HUWE1: variants seen among roughly 807,000 people sequenced by gnomAD.
The protein encoded by HUWE1 is E3 ubiquitin-protein ligase HUWE1.
HUWE1 carries 18 observed loss-of-function variants against 299.4 expected under a neutral mutation model. The observed-to-expected ratio is 0.06, with a 90% CI of 0.04 to 0.09. The LOEUF is 0.09. HUWE1 is among the 10% of genes least tolerant of loss of function. The pLI, the probability that HUWE1 is intolerant of heterozygous loss-of-function variation, is 1.00. For synonymous variants in HUWE1, 1,317 were observed against 1,286.1 expected (o/e 1.02, Z -0.51); for missense variants, 1,832 against 3,462.3 (o/e 0.53, Z 11.82).
At chrX:53,553,536 G>A (rs1321914023) in intron 61 of HUWE1, among the ~76,000 whole-genome samples, 1 of 107,615 alleles carries the variant, frequency 9.3e-6, no homozygotes, top group African/African-American at 3.4e-5. Context: ...TCGGTAGGGC[G>A]CAGTGGCTCA....
chrX:53,578,388 C>T (rs1556961860), intron 43 of HUWE1, among the ~76,000 whole-genome samples: 2 of 97,691 alleles, frequency 2.0e-5, no homozygotes, highest in Admixed American at 1.0e-4. Flanking sequence ...GCCAGCCGCC[C>T]CGTCCGGGAG....
rs182490426 is a variant in HUWE1, at chrX:53,644,179, A to G, written c.504+1132T>C. 2.7e-5 allele frequency among the ~76,000 whole-genome samples: 3 copies of G among 112,388 alleles called. No homozygotes were observed. In the Admixed American group the frequency reaches 2.8e-4, roughly 11 times the overall value. ...GCTTCTTTCTTTTCTGTTGGTTAGC[A>G]TCTGTACTACAAATGTAAATGACAG... On this transcript the variant is annotated intron_variant, in intron 7 of 83. Coordinates refer to ENST00000262854, the MANE Select transcript of HUWE1 (RefSeq NM_031407.7).
At chrX:53,656,874 GA>G (rs1329709782) in intron 3 of HUWE1, among the ~76,000 whole-genome samples, 1 of 109,561 alleles carries the variant, frequency 9.1e-6, no homozygotes, top group Non-Finnish European at 1.9e-5. Context: ...AGAGAACCCA[GA>G]AATAGACTCA....
rs782494235 is a variant in HUWE1, at chrX:53,630,975, C to T, written c.822G>A (p.Leu274=). 1 of 1,198,563 alleles carries T rather than the reference C, an allele frequency of 8.3e-7. No individual in the cohort carries two copies. The highest frequency in any genetic ancestry group is 1.8e-5 in the South Asian group (1 of 56,658). Residue 274 remains leucine, a synonymous_variant, in exon 12 of 84, where the codon TTG becomes TTA. Transcript: ENST00000262854. ...CATGCAGTCTGGCCTGAACTGCCTG[C>T]AATCGCTTCCTGTGATTAGAAAAGC... ...AHGFSNHRKR[L]QAVQARLHAI...
chrX:53,653,222 G>A (rs1194963049), intron 4 of HUWE1, among the ~76,000 whole-genome samples: 2 of 112,311 alleles, frequency 1.8e-5, no homozygotes, highest in East Asian at 5.5e-4. Context: ...ATACTTGCCA[G>A]GTACTTTTAC....
chrX:53,663,316 C>T (rs1411238789), intron 3 of HUWE1, among the ~76,000 whole-genome samples: 1 of 112,382 alleles, frequency 8.9e-6, no homozygotes, highest in African/African-American at 3.2e-5. Flanking sequence ...AGTTTGAGAC[C>T]AGCCTGACCA....
chrX:53,614,481 T>C, intron 23 of HUWE1, 53 bp downstream of exon 23: 3 of 889,652 alleles, frequency 3.4e-6, no homozygotes, highest in Admixed American at 2.2e-5. Flanking sequence ...CTTAGAGAGG[T>C]GATAACATGC....
At chrX:53,577,457 TAAA>T (rs782304486) in intron 43 of HUWE1, among the ~76,000 whole-genome samples, 1 of 76,863 alleles carries the variant, frequency 1.3e-5, no homozygotes, top group Non-Finnish European at 2.5e-5. Context: ...AACGTTTTAT[TAAA>T]AAAAAAAAAA....
chrX:53,583,078 C>T (rs1323232961), intron 42 of HUWE1, among the ~76,000 whole-genome samples: 1 of 111,892 alleles, frequency 8.9e-6, no homozygotes, highest in Non-Finnish European at 1.9e-5. Context: ...TTCTGATCTG[C>T]ACAATGGATA....
intron 60 of HUWE1, chrX:53,557,074 A>G (rs945406508): frequency 1.0e-5 from 4 of 381,118 alleles, no homozygotes; most frequent in African/African-American, 1.0e-4. Flanking sequence ...GTTTCAGAGG[A>G]CAGAGTTGCA....
intron 7 of HUWE1, among the ~76,000 whole-genome samples, chrX:53,634,990 T>C (rs1367336611): frequency 9.0e-6 from 1 of 111,586 alleles, no homozygotes; most frequent in East Asian, 2.8e-4. Context: ...CATTAACGTA[T>C]TTTTATTTTT....
Position 53,551,263 on chromosome X carries a change from T to G in HUWE1, c.9096+3A>C, listed in dbSNP as rs782555652. The G allele has an allele frequency of 8.3e-7, 1 of 1,210,557 alleles. No homozygotes were observed. Among genetic ancestry groups the G allele is most frequent in the Non-Finnish European group, 1.1e-6 (1 of 894,808 alleles). The stretch of plus-strand genomic sequence containing the variant: ...TGGCCCCACCACCTTCCCGCTCACA[T>G]ACTTCCTCCTGAATGGCTGGAGGCA... On this transcript the variant is annotated splice_donor_region_variant and intron_variant, in intron 64 of 83. Transcript: ENST00000262854.
rs908331402 is a variant in HUWE1, at chrX:53,628,404, T to G, written c.1242+89A>C. On this transcript the variant is annotated intron_variant, in intron 15 of 83. Coordinates refer to ENST00000262854, the MANE Select transcript of HUWE1 (RefSeq NM_031407.7). Reference sequence around the variant, plus strand: ...ATAAGCTTTCTTATATTATTTGCCCTCACTGTGAAACACCCCAAACTTGCA... The same window carrying G: ...ATAAGCTTTCTTATATTATTTGCCCGCACTGTGAAACACCCCAAACTTGCA... 6.6e-5 allele frequency: 63 copies of G among 951,827 alleles called. No homozygotes were observed. In the Admixed American group the frequency reaches 9.5e-4, roughly 14 times the overall value. The allele number at this position is 951,827 out of a possible 1,213,427, so 78.4% of individuals were successfully genotyped here.
chrX:53,618,588 G>A (rs185106883), intron 19 of HUWE1, among the ~76,000 whole-genome samples: 1,468 of 102,397 alleles, frequency 0.014, 36 homozygotes, highest in African/African-American at 0.051. Context: ...TTTTTTAGAC[G>A]GAGTCTCACT....
At chrX:53,636,187 A>G (rs1293072701) in intron 7 of HUWE1, among the ~76,000 whole-genome samples, 1 of 112,453 alleles carries the variant, frequency 8.9e-6, no homozygotes, top group African/African-American at 3.2e-5. Context: ...ACAGATATGT[A>G]TATCCCCCAC....
rs1602611673 is a variant in HUWE1, at chrX:53,554,927, C to T, written c.8207-7G>A. ...TCAGGCATAGGCGTCCCATCTTTCT[C>T]GGAAAGAACAATAATAGTGGTTAAG... On this transcript the variant is annotated splice_polypyrimidine_tract_variant and splice_region_variant and intron_variant, in intron 60 of 83. Coordinates refer to ENST00000262854, the MANE Select transcript of HUWE1 (RefSeq NM_031407.7). 2 of 1,157,331 alleles carry T rather than the reference C, an allele frequency of 1.7e-6. No individual in the cohort carries two copies. The highest frequency in any genetic ancestry group is 2.3e-6 in the Non-Finnish European group (2 of 865,994).
chrX:53,579,743 AAGGCAGCATGCTCGTTAAG>A (rs2063511785), intron 43 of HUWE1: 1 of 99,859 alleles, frequency 1.0e-5, no homozygotes, highest in Non-Finnish European at 2.0e-5. Flanking sequence ...CAGATGCTTG[AAGGCAGCATGCTCGTTAAG>A]AGTCATCACC....
At chrX:53,627,975 T>C (rs1046876504) in intron 15 of HUWE1, 96 bp from the exon 16 acceptor site, 17 of 785,822 alleles carry the variant, frequency 2.2e-5, no homozygotes, top group Non-Finnish European at 2.9e-5. Context: ...GGGGCCTCAG[T>C]AAGGCAGCAC....
rs2063586388 is a variant in HUWE1 at position 53,580,953 on chromosome X, C to T, written c.5594G>A (p.Arg1865Gln). The stretch of plus-strand genomic sequence containing the variant: ...GACACGAAGGATGTAGTTGATCTCC[C>T]GAGAGCCGAGGCTGCCAGACACAAC... The part of the protein sequence containing the change: ...SGVVSGSLGS[R>Q]EINYILRVLG... The change falls in exon 43 of 84, where the codon CGG (arginine) becomes CAG (glutamine). Residue 1865 changes from arginine to glutamine, a missense_variant. Physicochemically the swap from Arg to Gln is conservative, Grantham distance 43 (BLOSUM62 1). Coordinates refer to ENST00000262854, the MANE Select transcript of HUWE1 (RefSeq NM_031407.7). 2 of 1,208,056 alleles carry T rather than the reference C, an allele frequency of 1.7e-6. No homozygotes were observed. Among genetic ancestry groups the T allele is most frequent in the Admixed American group, 2.2e-5 (1 of 45,667 alleles).
Sources: gnomAD v4.1 joint callset for allele counts (sites outside exome capture counted in the v4.1 genomes callset) on GRCh38, gnomAD v4.1.1 for gene constraint, MANE v1.5 for transcripts, NCBI Gene and HGNC (gene_info 2026-07-23, HGNC 2026-07-21) for gene names.